Variants in SH3GL2 observed in about 807,000 individuals in gnomAD.
SH3GL2 encodes the protein endophilin-A1.
In SH3GL2, 24 loss-of-function variants were observed where a neutral mutation model predicts 46.0. The ratio of observed to expected loss-of-function variants is 0.52; its 90% CI spans 0.38 to 0.73. The LOEUF is 0.73. Among genes scored for constraint, SH3GL2 ranks in the 30% least tolerant of loss-of-function variants. SH3GL2 has a pLI of 0.00. For synonymous variants in SH3GL2, 196 were observed against 147.1 expected, an observed-to-expected ratio of 1.33 and a Z score of -2.40; for missense variants, 413 against 424.2, an observed-to-expected ratio of 0.97 and a Z score of 0.23.
At chr9:17,643,250 CTT>C (rs1289386143) in intron 1 of SH3GL2, among the ~76,000 whole-genome samples, 4 of 152,280 alleles carry the variant, frequency 2.6e-5, no homozygotes, top group African/African-American at 9.6e-5. Flanking sequence ...TACCCTGAGA[CTT>C]TGCTGAAGTT....
chr9:17,699,293 G>A (rs1008224371), intron 1 of SH3GL2, among the ~76,000 whole-genome samples: 2 of 151,986 alleles, frequency 1.3e-5, no homozygotes, highest in African/African-American at 2.4e-5. Flanking sequence ...TTAGACTTCT[G>A]TGCAAGCAGC....
intron 3 of SH3GL2, among the ~76,000 whole-genome samples, chr9:17,763,701 T>C (rs1588313008): frequency 6.6e-6 from 1 of 152,164 alleles, no homozygotes; most frequent in Non-Finnish European, 1.5e-5. Context: ...ATGACAGCTC[T>C]AGAAAACTAA....
intron 1 of SH3GL2, among the ~76,000 whole-genome samples, chr9:17,643,263 G>T (rs1819729636): frequency 6.6e-6 from 1 of 152,166 alleles, no homozygotes; most frequent in Admixed American, 6.5e-5. Context: ...TGCTGAAGTT[G>T]CTTATCAGCT....
intron 1 of SH3GL2, among the ~76,000 whole-genome samples, chr9:17,703,042 C>G (rs1485913675): frequency 1.3e-5 from 2 of 152,022 alleles, no homozygotes; most frequent in Non-Finnish European, 2.9e-5. Context: ...GCCCAGCAGT[C>G]TCTAATAAAT....
rs556925048 is a variant in SH3GL2 at position 17,754,517 on chromosome 9, C to G, written c.115-6920C>G. 2.7e-4 allele frequency among the ~76,000 whole-genome samples: 41 copies of G among 151,906 alleles called. 1 individual carries two copies. The South Asian group carries it at 8.1e-3, about 30-fold the overall frequency. On this transcript the variant is annotated intron_variant, in intron 2 of 8. Coordinates refer to ENST00000380607, the MANE Select transcript of SH3GL2 (RefSeq NM_003026.5). ...TGAAACCCTGACTCTACTAAATATACAAAAAATTAGCTGGGTATGGTGGCA... is the reference window on the plus strand; with the variant it reads ...TGAAACCCTGACTCTACTAAATATAGAAAAAATTAGCTGGGTATGGTGGCA...
intron 1 of SH3GL2, among the ~76,000 whole-genome samples, chr9:17,638,482 T>A (rs1405654472): frequency 6.6e-6 from 1 of 152,182 alleles, no homozygotes; most frequent in East Asian, 1.9e-4. Flanking sequence ...GAAAGTATCA[T>A]GAGGAAAACC....
At chr9:17,738,190 G>GT (rs1319408045) in intron 1 of SH3GL2, among the ~76,000 whole-genome samples, 3 of 151,940 alleles carry the variant, frequency 2.0e-5, no homozygotes, top group Admixed American at 6.6e-5. Flanking sequence ...TTCAATTTGA[G>GT]TGCTGCTATA....
At chr9:17,676,767 A>C (rs1017868992) in intron 1 of SH3GL2, among the ~76,000 whole-genome samples, 1 of 152,186 alleles carries the variant, frequency 6.6e-6, no homozygotes, top group Non-Finnish European at 1.5e-5. Flanking sequence ...CACCATCTTC[A>C]CTGATGAAAG....
At chr9:17,775,786 C>G (rs1420364755) in intron 3 of SH3GL2, among the ~76,000 whole-genome samples, 1 of 152,062 alleles carries the variant, frequency 6.6e-6, no homozygotes, top group Non-Finnish European at 1.5e-5. Context: ...AGGTTTCCCC[C>G]AACAGTCAGA....
chr9:17,747,073 G>A lies in SH3GL2; in HGVS notation c.53G>A (p.Ser18Asn). The A allele has an allele frequency of 6.2e-7, 1 of 1,602,956 alleles. No homozygotes were observed. ...KQFHKATQKV[S>N]EKVGGAEGTK... is the part of the protein sequence containing the mutation. Reference sequence around the variant, plus strand: ...TGTGGTTATTTTCTACAGAAAGTGAGTGAGAAGGTTGGAGGAGCTGAAGGA... The same window carrying A: ...TGTGGTTATTTTCTACAGAAAGTGAATGAGAAGGTTGGAGGAGCTGAAGGA... Residue 18 changes from serine to asparagine, a missense_variant, in exon 2 of 9, where the codon AGT becomes AAT. Around this residue, in one of 3 missense-constraint regions of SH3GL2, gnomAD observed 160 missense variants for 192.3 expected, o/e 0.83. Coordinates refer to ENST00000380607, the MANE Select transcript of SH3GL2 (RefSeq NM_003026.5).
intron 1 of SH3GL2, among the ~76,000 whole-genome samples, chr9:17,656,930 T>G (rs1011709973): frequency 4.6e-5 from 7 of 152,112 alleles, no homozygotes; most frequent in Admixed American, 3.9e-4. Flanking sequence ...ATTAAAAAAG[T>G]GATTTCATTT....
intron 1 of SH3GL2, among the ~76,000 whole-genome samples, chr9:17,726,251 G>T (rs571877924): frequency 1.3e-5 from 2 of 152,242 alleles, no homozygotes; most frequent in South Asian, 4.1e-4. Context: ...CTCCAGCAGA[G>T]TGACATTTAG....
At chr9:17,753,768 G>A (rs996164137) in intron 2 of SH3GL2, among the ~76,000 whole-genome samples, 2 of 152,094 alleles carry the variant, frequency 1.3e-5, no homozygotes, top group African/African-American at 4.8e-5. Flanking sequence ...GTCCTCAATG[G>A]TATTTTGCCT....
chr9:17,657,312 A>G (rs1183602202), intron 1 of SH3GL2, among the ~76,000 whole-genome samples: 3 of 152,172 alleles, frequency 2.0e-5, no homozygotes, highest in African/African-American at 7.2e-5. Flanking sequence ...ATAGATGTAC[A>G]TGCACATGAC....
intron 1 of SH3GL2, among the ~76,000 whole-genome samples, chr9:17,715,708 T>G (rs1441433068): frequency 6.6e-6 from 1 of 151,808 alleles, no homozygotes; most frequent in African/African-American, 2.4e-5. Flanking sequence ...CAACTCATAA[T>G]GGGCATCGCA....
At chr9:17,619,871 A>G (rs1415037695) in intron 1 of SH3GL2, among the ~76,000 whole-genome samples, 2 of 152,176 alleles carry the variant, frequency 1.3e-5, no homozygotes, top group Non-Finnish European at 2.9e-5. Context: ...GACTCTTCAT[A>G]TATACTGTGA....
chr9:17,634,428 T>C (rs995479877), intron 1 of SH3GL2, among the ~76,000 whole-genome samples: 4 of 152,224 alleles, frequency 2.6e-5, no homozygotes, highest in African/African-American at 9.6e-5. Flanking sequence ...TAAAATATGT[T>C]GGCCATTTGG....
chr9:17,619,602 C>T (rs111846693), intron 1 of SH3GL2, among the ~76,000 whole-genome samples: 6 of 151,836 alleles, frequency 4.0e-5, no homozygotes, highest in Admixed American at 2.0e-4. Context: ...CGTTTGAACC[C>T]GGGAGGCAGA....
In SH3GL2 at chr9:17,653,903, A is replaced by G. The variant is rs1820009877; in HGVS notation, c.45+74616A>G. 3.2e-6 allele frequency: 3 copies of G among 949,698 alleles called. No homozygotes were observed. The South Asian group carries it at 1.5e-4, about 46-fold the overall frequency. 58.8% of individuals were successfully genotyped at this position (949,698 alleles called of 1,614,324 possible). On this transcript the variant is annotated intron_variant, in intron 1 of 8. Coordinates refer to ENST00000380607, the MANE Select transcript of SH3GL2 (RefSeq NM_003026.5). ...GAAGGTATGTGATGACCTATCTTCA[A>G]ACAGGTAGAAAACATCACATCTGTA...
Sources: gnomAD v4.1 joint callset for allele counts (sites outside exome capture counted in the v4.1 genomes callset) on GRCh38, gnomAD v4.1.1 for gene constraint, gnomAD v4.1.1 regional missense constraint, MANE v1.5 for transcripts, NCBI Gene and HGNC (gene_info 2026-07-23, HGNC 2026-07-21) for gene names.